The following STK31 variants were observed in gnomAD, a reference collection of about 807,000 sequenced individuals.
STK31 encodes the protein serine/threonine-protein kinase 31.
In STK31, 89 loss-of-function variants were observed where a neutral mutation model predicts 129.7. The observed-to-expected ratio is 0.69, with a 90% CI of 0.58 to 0.82. The LOEUF (loss-of-function observed/expected upper bound fraction) is 0.82, where lower values mean the gene tolerates loss of function less well. Among genes scored for constraint, STK31 ranks in the 40% least tolerant of loss-of-function variants. The probability of loss-of-function intolerance (pLI) is 0.00; values close to 1 mark genes in which losing one functional copy is unlikely to be tolerated. For synonymous variants in STK31, 448 were observed against 395.3 expected, an observed-to-expected ratio of 1.13 and a Z score of -1.58; for missense variants, 1,187 against 1,176.4, an observed-to-expected ratio of 1.01 and a Z score of -0.13.
At chr7:23,715,343 C>A (rs1363112955) in intron 3 of STK31, among the ~76,000 whole-genome samples, 1 of 151,798 alleles carries the variant, frequency 6.6e-6, no homozygotes, top group Non-Finnish European at 1.5e-5. Context: ...TCTGGTCAGG[C>A]ATGGTGGCTC....
intron 23 of STK31, among the ~76,000 whole-genome samples, chr7:23,822,531 G>A (rs1385663368): frequency 6.6e-6 from 1 of 152,104 alleles, no homozygotes; most frequent in African/African-American, 2.4e-5. Flanking sequence ...GCTTTTTGGT[G>A]GAGTCTTTAG....
At chr7:23,762,720 G>T in intron 10 of STK31, 81 bp from the exon 11 acceptor site, 1 of 1,504,102 alleles carries the variant, frequency 6.6e-7, no homozygotes, top group African/African-American at 1.4e-5. Flanking sequence ...GTTAATTTTG[G>T]AGATCACTTT....
chr7:23,802,495 G>A (rs1043769265), intron 22 of STK31, among the ~76,000 whole-genome samples: 2 of 152,088 alleles, frequency 1.3e-5, no homozygotes, highest in Non-Finnish European at 2.9e-5. Flanking sequence ...GACGTTTGAG[G>A]GGAGCGCCAA....
At chr7:23,720,030 G>A (rs1024592182) in intron 4 of STK31, among the ~76,000 whole-genome samples, 2 of 152,060 alleles carry the variant, frequency 1.3e-5, no homozygotes, top group Admixed American at 1.3e-4. Context: ...CTGTTTTCAG[G>A]CCTTACTAGG....
intron 23 of STK31, among the ~76,000 whole-genome samples, chr7:23,829,494 A>G (rs911368082): frequency 2.0e-5 from 3 of 152,150 alleles, no homozygotes; most frequent in Admixed American, 6.5e-5. Flanking sequence ...ATCATGGTGT[A>G]TTATGTTTTT....
intron 3 of STK31, among the ~76,000 whole-genome samples, chr7:23,714,745 T>C (rs1032722674): frequency 7.9e-5 from 12 of 152,208 alleles, no homozygotes; most frequent in African/African-American, 2.9e-4. Flanking sequence ...TATTTGTGAA[T>C]ATGTTGATTG....
chr7:23,813,193 T>C (rs1355510486), intron 22 of STK31, among the ~76,000 whole-genome samples: 1 of 151,822 alleles, frequency 6.6e-6, no homozygotes. Context: ...TTTCAATTTA[T>C]CCCATCCAGT....
At chr7:23,743,046 A>AG (rs1788148178) in intron 8 of STK31, among the ~76,000 whole-genome samples, 3 of 149,554 alleles carry the variant, frequency 2.0e-5, no homozygotes, top group Admixed American at 1.3e-4. Flanking sequence ...TCCACCTCCC[A>AG]AGTTCAAGCA....
intron 16 of STK31, among the ~76,000 whole-genome samples, chr7:23,782,442 AGCCTG>A (rs1368397455): frequency 6.8e-6 from 1 of 146,268 alleles, no homozygotes; most frequent in Non-Finnish European, 1.5e-5. Flanking sequence ...TCTGCATTCC[AGCCTG>A]GGCAACAGAG....
At chr7:23,782,471 CAAAAAAA>C (rs66962254) in intron 16 of STK31, among the ~76,000 whole-genome samples, 105 of 84,536 alleles carry the variant, frequency 1.2e-3, no homozygotes, top group African/African-American at 4.2e-3. Context: ...GACCCTGTCT[CAAAAAAA>C]AAAAAAAAAA....
chr7:23,716,009 C>G (rs1459023436), intron 3 of STK31, among the ~76,000 whole-genome samples: 4 of 152,112 alleles, frequency 2.6e-5, no homozygotes, highest in African/African-American at 9.7e-5. Context: ...TGATCAAAGC[C>G]AGGGAATTAA....
chr7:23,806,667 G>A (rs1175585697), intron 22 of STK31, among the ~76,000 whole-genome samples: 7 of 152,224 alleles, frequency 4.6e-5, no homozygotes, highest in African/African-American at 1.4e-4. Context: ...TTGGGAGGCC[G>A]AGGCGGGTGG....
chr7:23,714,716 C>CT (rs1260163205), intron 3 of STK31, among the ~76,000 whole-genome samples: 1 of 151,990 alleles, frequency 6.6e-6, no homozygotes. Flanking sequence ...CAGCTCTAGA[C>CT]TTTGATTTCA....
At chr7:23,780,703 G>T (rs1335539811) in intron 15 of STK31, among the ~76,000 whole-genome samples, 2 of 152,158 alleles carry the variant, frequency 1.3e-5, no homozygotes, top group East Asian at 3.8e-4. Flanking sequence ...CCTTTGTCCT[G>T]CACCTGAGAA....
chr7:23,762,152 T>C (rs1487219651), intron 10 of STK31, among the ~76,000 whole-genome samples: 2 of 152,046 alleles, frequency 1.3e-5, no homozygotes, highest in Non-Finnish European at 2.9e-5. Context: ...TAGTTACATA[T>C]GTATACATGT....
chr7:23,828,243 C>G (rs1794302061), intron 23 of STK31, among the ~76,000 whole-genome samples: 1 of 151,390 alleles, frequency 6.6e-6, no homozygotes, highest in Non-Finnish European at 1.5e-5. Context: ...GGGCTCCACC[C>G]AGTTTGAGCT....
At chr7:23,783,343 A>T (rs1003366852) in intron 16 of STK31, among the ~76,000 whole-genome samples, 1 of 152,186 alleles carries the variant, frequency 6.6e-6, no homozygotes, top group African/African-American at 2.4e-5. Context: ...CAGTTCATCC[A>T]CAAGGACTCA....
chr7:23,710,130 C>G (rs1054780108), upstream of STK31: 4 of 1,353,220 alleles, frequency 3.0e-6, no homozygotes, highest in Non-Finnish European at 4.1e-6. Context: ...ACGCTTCTTC[C>G]TAGGCGGCAG....
In STK31 at chr7:23,763,824, A is replaced by G. The variant is rs1022355612; in HGVS notation, c.1416+901A>G. ...TTCAAATGTTTTCATTTCATTTTCA[A>G]GTGTTTTCATTTGAAAACAATAACT... is the stretch of plus-strand genomic sequence containing the variant. On this transcript the variant is annotated intron_variant, in intron 11 of 23. Transcript: ENST00000355870. Among the ~76,000 whole-genome samples, 8 of 152,080 alleles carry G rather than the reference A, an allele frequency of 5.3e-5. No homozygotes were observed. In the East Asian group the frequency reaches 9.6e-4, roughly 18 times the overall value.
Sources: allele counts gnomAD v4.1 joint callset (sites outside exome capture counted in the v4.1 genomes callset), GRCh38; gene constraint gnomAD v4.1.1; transcripts MANE v1.5; gene names NCBI Gene and HGNC (gene_info 2026-07-23, HGNC 2026-07-21).